PCDHA9: variants seen among roughly 807,000 people sequenced by gnomAD.
The protein encoded by PCDHA9 is protocadherin alpha 9.
A neutral mutation model predicts 62.0 loss-of-function variants in PCDHA9; 62 were observed. That is an observed-to-expected ratio of 1.00 (90% CI 0.81 to 1.23). The LOEUF is 1.23. Ranked by LOEUF, PCDHA9 falls within the 50% of genes most tolerant of loss-of-function variation. The pLI, the probability that PCDHA9 is intolerant of heterozygous loss-of-function variation, is 0.00. For missense variants in PCDHA9, 1,205 were observed against 1,249.8 expected, an observed-to-expected ratio of 0.96 and a Z score of 0.54; for synonymous variants, 557 against 567.6, an observed-to-expected ratio of 0.98 and a Z score of 0.27.
At chr5:140,987,990 C>T (rs57614084) in intron 3 of PCDHA9, among the ~76,000 whole-genome samples, 1 of 152,190 alleles carries the variant, frequency 6.6e-6, no homozygotes, top group African/African-American at 2.4e-5. Context: ...GACTCCATCT[C>T]TGATCCTTCC....
chr5:140,853,979 T>A, intron 1 of PCDHA9: 2 of 564,826 alleles, frequency 3.5e-6, no homozygotes, highest in Non-Finnish European at 4.6e-6. Flanking sequence ...TTGAGACCAA[T>A]GTAGTGAGAC....
intron 1 of PCDHA9, chr5:140,856,802 GA>G (rs782128453): frequency 1.3e-6 from 2 of 1,595,592 alleles, no homozygotes; most frequent in East Asian, 4.5e-5. Context: ...TAAGATGTAT[GA>G]AAATCAAGTG....
chr5:140,925,951 A>G (rs1057448284), intron 1 of PCDHA9, among the ~76,000 whole-genome samples: 2 of 152,102 alleles, frequency 1.3e-5, no homozygotes, highest in Admixed American at 1.3e-4. Flanking sequence ...GAGAAGGAGA[A>G]ACTGCTATCA....
Position 140,849,746 on chromosome 5 carries a change from T to G in PCDHA9, c.1251T>G (p.Ser417Arg), listed in dbSNP as rs2150447912. Residue 417 changes from serine (S) to arginine (R), a missense_variant, in exon 1 of 4, where the codon AGT becomes AGG. Physicochemically the swap from Ser to Arg is moderately radical, Grantham distance 110. Around this residue, in one of 3 missense-constraint regions of PCDHA9, gnomAD observed 887 missense variants for 809.5 expected, o/e 1.10. Transcript: ENST00000532602. ...TGGACAGAGCTCTGGACCGCGAGAG[T>G]GTGTCCGCCTACGAGCTGGTGGTTA... ...LVLDRALDRE[S>R]VSAYELVVTA... The G allele has an allele frequency of 2.3e-5, 37 of 1,597,844 alleles. 5 individuals carry two copies. Among genetic ancestry groups the G allele is most frequent in the Admixed American group, 6.8e-5 (4 of 59,208 alleles).
intron 1 of PCDHA9, among the ~76,000 whole-genome samples, chr5:140,895,167 T>G (rs1289758040): frequency 6.6e-6 from 1 of 152,186 alleles, no homozygotes; most frequent in African/African-American, 2.4e-5. Flanking sequence ...CAATCCAATC[T>G]ATTTGTAGTC....
At position 140,850,499 on chromosome 5, in the gene PCDHA9, G is replaced by T. The variant is rs2150486529; in HGVS notation, c.2004G>T (p.Ser668=). 2.5e-6 allele frequency: 4 copies of T among 1,598,170 alleles called. No individual in the cohort carries two copies. The East Asian group carries it at 8.9e-5, about 36-fold the overall frequency. ...CGGCCACGGCCACTGTGCTGGTGTCGCTGGTGGAGAGCGGCCAGGCGCCAA... is the reference window on the plus strand; with the variant it reads ...CGGCCACGGCCACTGTGCTGGTGTCTCTGGTGGAGAGCGGCCAGGCGCCAA... The part of the protein sequence containing the change: ...ALTATATVLV[S]LVESGQAPKS... The change falls in exon 1 of 4, where the codon TCG becomes TCT. Residue 668 remains serine (S), a synonymous_variant. Transcript: ENST00000532602.
At chr5:140,993,917 A>G (rs779939413) in intron 3 of PCDHA9, among the ~76,000 whole-genome samples, 1 of 152,190 alleles carries the variant, frequency 6.6e-6, no homozygotes, top group Admixed American at 6.5e-5. Flanking sequence ...CTAGTGATGC[A>G]TTTCTCAGAA....
intron 1 of PCDHA9, chr5:140,968,002 G>A: frequency 6.2e-7 from 1 of 1,614,208 alleles, no homozygotes; most frequent in South Asian, 1.1e-5. Flanking sequence ...CTTTCCGACT[G>A]AATGGCTTTG....
chr5:140,858,133 C>T, intron 1 of PCDHA9: 1 of 1,597,688 alleles, frequency 6.3e-7, no homozygotes, highest in Non-Finnish European at 8.6e-7. Context: ...TGGATGTCAA[C>T]GTGTACCTGA....
chr5:140,980,933 C>G (rs1376814777), intron 2 of PCDHA9, among the ~76,000 whole-genome samples: 1 of 152,120 alleles, frequency 6.6e-6, no homozygotes, highest in African/African-American at 2.4e-5. Flanking sequence ...CTGCTTTGAG[C>G]TGAGCTGGCT....
At chr5:140,951,746 C>A (rs2094627797) in intron 1 of PCDHA9, among the ~76,000 whole-genome samples, 1 of 152,128 alleles carries the variant, frequency 6.6e-6, no homozygotes, top group African/African-American at 2.4e-5. Flanking sequence ...ACTGCCCTCA[C>A]CCTCCGCGAA....
intron 3 of PCDHA9, among the ~76,000 whole-genome samples, chr5:140,989,478 G>A (rs1319813384): frequency 2.0e-5 from 3 of 152,204 alleles, no homozygotes; most frequent in Admixed American, 6.5e-5. Context: ...CTCCTGGGAG[G>A]TGCTTGAACA....
At chr5:140,921,244 A>G (rs1167584267) in intron 1 of PCDHA9, among the ~76,000 whole-genome samples, 1 of 152,180 alleles carries the variant, frequency 6.6e-6, no homozygotes, top group African/African-American at 2.4e-5. Flanking sequence ...TAAGCCACAG[A>G]TCAAAAAGTC....
intron 1 of PCDHA9, chr5:140,884,130 C>T (rs1554181258): frequency 3.1e-6 from 5 of 1,613,434 alleles, no homozygotes; most frequent in Non-Finnish European, 3.4e-6. Flanking sequence ...GCGCGCATCC[C>T]GTTCCGCGTG....
chr5:140,875,402 C>T, intron 1 of PCDHA9: 1 of 1,488,874 alleles, frequency 6.7e-7, no homozygotes, highest in Non-Finnish European at 8.9e-7. Flanking sequence ...AGGGTGACTG[C>T]TCATAAAATA....
chr5:140,888,533 T>C (rs2061866119), intron 1 of PCDHA9, among the ~76,000 whole-genome samples: 1 of 152,228 alleles, frequency 6.6e-6, no homozygotes, highest in South Asian at 2.1e-4. Flanking sequence ...TGAAGTTAAG[T>C]TGCTCAGTAC....
intron 1 of PCDHA9, chr5:140,871,024 T>C: frequency 6.2e-7 from 1 of 1,613,196 alleles, no homozygotes; most frequent in Non-Finnish European, 8.5e-7. Context: ...CGAGGCAGAC[T>C]CGCCGCGCCA....
In PCDHA9 at chr5:141,009,984, G is replaced by A. The variant is rs782207623; in HGVS notation, c.*47G>A. 6.3e-7 allele frequency: 1 copy of A among 1,581,532 alleles called. No homozygotes were observed. Among genetic ancestry groups the A allele is most frequent in the Admixed American group, 1.9e-5 (1 of 53,968 alleles). On this transcript the variant is annotated 3_prime_UTR_variant, in exon 4 of 4. Transcript: ENST00000532602. ...CACTTAGCCAGTTTTTGTAATAATG[G>A]CAAATCTCTCCCATGTAGCAATTCC... is the stretch of plus-strand genomic sequence containing the variant.
chr5:140,939,501 G>A (rs1270789150), intron 1 of PCDHA9, among the ~76,000 whole-genome samples: 1 of 150,708 alleles, frequency 6.6e-6, no homozygotes. Context: ...TAAATTCAAT[G>A]TCTATAACAT....
Sources: gnomAD v4.1 joint callset for allele counts (sites outside exome capture counted in the v4.1 genomes callset) on GRCh38, gnomAD v4.1.1 for gene constraint, gnomAD v4.1.1 regional missense constraint, MANE v1.5 for transcripts, NCBI Gene and HGNC (gene_info 2026-07-23, HGNC 2026-07-21) for gene names.